Variants in MAPK10 observed in about 807,000 individuals in gnomAD.
MAPK10 encodes the protein JNK3 alpha protein kinase.
MAPK10 carries 25 observed loss-of-function variants against 59.3 expected under a neutral mutation model. The observed-to-expected ratio is 0.42, with a 90% CI of 0.31 to 0.59. The LOEUF is 0.59. Among genes scored for constraint, MAPK10 ranks in the 20% least tolerant of loss-of-function variants. MAPK10 has a pLI of 0.15. For synonymous variants in MAPK10, 190 were observed against 200.5 expected (o/e 0.95, Z 0.44); for missense variants, 351 against 568.9 (o/e 0.62, Z 3.90).
chr4:86,217,435 T>G (rs1344836129), intron 2 of MAPK10, among the ~76,000 whole-genome samples: 4 of 152,212 alleles, frequency 2.6e-5, no homozygotes, highest in African/African-American at 4.8e-5. Flanking sequence ...TTTACACAGG[T>G]GAAGTATCCA....
chr4:86,226,465 G>T (rs1468185514), intron 2 of MAPK10, among the ~76,000 whole-genome samples: 1 of 152,132 alleles, frequency 6.6e-6, no homozygotes, highest in Non-Finnish European at 1.5e-5. Flanking sequence ...AATTTCAGTG[G>T]GCAGTATCAT....
Position 86,014,039 on chromosome 4 carries a change from C to A in MAPK10, c.*3189G>T, listed in dbSNP as rs1338056073. On this transcript the variant is annotated 3_prime_UTR_variant, in exon 14 of 14. Transcript: ENST00000641462. ...AACTCTTGCAGCAGTTTAATTTTCC[C>A]TGCACATGAGTACACAGCCATCCTT... 1 of 152,116 alleles carries A rather than the reference C, an allele frequency of 6.6e-6. No homozygotes were observed. The highest frequency in any genetic ancestry group is 1.5e-5 in the Non-Finnish European group (1 of 68,030). 9.4% of individuals were successfully genotyped at this position (152,116 alleles called of 1,614,324 possible).
upstream of MAPK10, among the ~76,000 whole-genome samples, chr4:86,361,409 A>G (rs980022407): frequency 3.9e-5 from 6 of 152,212 alleles, no homozygotes; most frequent in Non-Finnish European, 8.8e-5. Context: ...TAACTACCTC[A>G]TGCAAAAATA....
intron 9 of MAPK10, 50 bp from the exon 10 acceptor site, chr4:86,068,005 T>C: frequency 7.8e-7 from 1 of 1,289,616 alleles, no homozygotes; most frequent in Non-Finnish European, 1.1e-6. Flanking sequence ...CACTAGCCTT[T>C]CAACAATTGG....
At chr4:86,255,940 C>T (rs2093689202) in intron 2 of MAPK10, among the ~76,000 whole-genome samples, 1 of 151,578 alleles carries the variant, frequency 6.6e-6, no homozygotes, top group Non-Finnish European at 1.5e-5. Flanking sequence ...TGCTTAGTAC[C>T]TAAAATATAA....
intron 4 of MAPK10, among the ~76,000 whole-genome samples, chr4:86,137,332 A>G (rs1446030260): frequency 6.7e-6 from 1 of 149,730 alleles, no homozygotes; most frequent in Non-Finnish European, 1.5e-5. Context: ...ATAACAAACT[A>G]TCTCTCAGAC....
At chr4:86,485,664 C>A (rs1315031577) in intron 1 of MAPK10, among the ~76,000 whole-genome samples, 1 of 152,210 alleles carries the variant, frequency 6.6e-6, no homozygotes, top group Non-Finnish European at 1.5e-5. Context: ...ATGGTATAGA[C>A]TGAACTGTGC....
At chr4:86,334,450 G>C (rs1719831413) in intron 2 of MAPK10, among the ~76,000 whole-genome samples, 1 of 152,126 alleles carries the variant, frequency 6.6e-6, no homozygotes, top group Admixed American at 6.6e-5. Flanking sequence ...GCTTGTGTCT[G>C]TGACTCCACT....
At chr4:86,229,596 A>T (rs1196649296) in intron 2 of MAPK10, among the ~76,000 whole-genome samples, 1 of 152,172 alleles carries the variant, frequency 6.6e-6, no homozygotes, top group Non-Finnish European at 1.5e-5. Flanking sequence ...AACATCCTTA[A>T]TGGTTAACTA....
chr4:86,076,894 T>C (rs568988132), intron 9 of MAPK10, among the ~76,000 whole-genome samples: 1 of 152,280 alleles, frequency 6.6e-6, no homozygotes, highest in Non-Finnish European at 1.5e-5. Flanking sequence ...TTATACCACA[T>C]AGAGTAAGGA....
chr4:86,226,774 A>G (rs11941150), intron 2 of MAPK10, among the ~76,000 whole-genome samples: 8,001 of 152,250 alleles, frequency 0.053, 568 homozygotes, highest in African/African-American at 0.16. Context: ...GTACTATAGC[A>G]TTCTATGTTC....
intron 2 of MAPK10, among the ~76,000 whole-genome samples, chr4:86,322,616 G>C (rs2095923234): frequency 6.6e-6 from 1 of 152,158 alleles, no homozygotes; most frequent in African/African-American, 2.4e-5. Context: ...ATGACTAAGT[G>C]CCCAGTTCTG....
At chr4:86,239,000 A>G (rs1337389585) in intron 2 of MAPK10, among the ~76,000 whole-genome samples, 1 of 152,114 alleles carries the variant, frequency 6.6e-6, no homozygotes, top group Non-Finnish European at 1.5e-5. Flanking sequence ...AATAGCTCTT[A>G]TTATTTTGAG....
chr4:86,305,983 T>G (rs1383972633), intron 2 of MAPK10, among the ~76,000 whole-genome samples: 1 of 152,182 alleles, frequency 6.6e-6, no homozygotes, highest in Non-Finnish European at 1.5e-5. Context: ...AGATAATTTG[T>G]TTGATATTAT....
chr4:86,098,511 G>C lies in MAPK10; in HGVS notation c.802+13C>G. 4.3e-6 allele frequency: 7 copies of C among 1,611,690 alleles called. No homozygotes were observed. In the South Asian group the frequency reaches 7.7e-5, roughly 18 times the overall value. ...CAAAACAGGTAAAGCTGTAGCAAAAGGTACAAGGATACAGTCCCTTCCTGG... is the reference window on the plus strand; with the variant it reads ...CAAAACAGGTAAAGCTGTAGCAAAACGTACAAGGATACAGTCCCTTCCTGG... On this transcript the variant is annotated intron_variant, in intron 9 of 13. Transcript: ENST00000641462.
chr4:86,108,053 T>C (rs1209409918), intron 4 of MAPK10, among the ~76,000 whole-genome samples: 1 of 152,148 alleles, frequency 6.6e-6, no homozygotes, highest in Non-Finnish European at 1.5e-5. Context: ...GGTGGGCTGA[T>C]GATCAAAGTG....
chr4:86,215,300 T>G (rs1474656902), intron 2 of MAPK10, among the ~76,000 whole-genome samples: 1 of 152,072 alleles, frequency 6.6e-6, no homozygotes, highest in Non-Finnish European at 1.5e-5. Flanking sequence ...GCAAAAACAA[T>G]CAAACTGTTA....
At chr4:86,267,778 T>C (rs114738271) in intron 2 of MAPK10, among the ~76,000 whole-genome samples, 2,378 of 152,230 alleles carry the variant, frequency 0.016, 19 homozygotes, top group Non-Finnish European at 0.025. Flanking sequence ...CTTATTAAAG[T>C]GGCCTTCCAT....
intron 1 of MAPK10, among the ~76,000 whole-genome samples, chr4:86,568,868 C>A (rs1047968321): frequency 2.0e-5 from 3 of 152,192 alleles, no homozygotes; most frequent in Admixed American, 1.3e-4. Context: ...AATAGCTCTT[C>A]TGGACATTGG....
Sources: allele counts gnomAD v4.1 joint callset (sites outside exome capture counted in the v4.1 genomes callset), GRCh38; gene constraint gnomAD v4.1.1; transcripts MANE v1.5; gene names NCBI Gene and HGNC (gene_info 2026-07-23, HGNC 2026-07-21).